TANC1: variants seen among roughly 807,000 people sequenced by gnomAD.
The protein encoded by TANC1 is protein TANC1.
A neutral mutation model predicts 149.7 loss-of-function variants in TANC1; 77 were observed. That is an observed-to-expected ratio of 0.51 (90% CI 0.43 to 0.62). The LOEUF is 0.62. Ranked by LOEUF, TANC1 falls within the 20% of genes least tolerant of loss-of-function variation. The probability of loss-of-function intolerance (pLI) is 0.00; values close to 1 mark genes in which losing one functional copy is unlikely to be tolerated. For missense variants in TANC1, 1,985 were observed against 2,321.8 expected, an observed-to-expected ratio of 0.85 and a Z score of 2.98; for synonymous variants, 854 against 925.0, an observed-to-expected ratio of 0.92 and a Z score of 1.39.
chr2:159,181,783 G>C (rs1455416814), intron 14 of TANC1, among the ~76,000 whole-genome samples: 1 of 152,168 alleles, frequency 6.6e-6, no homozygotes, highest in African/African-American at 2.4e-5. Flanking sequence ...TTCTCACTGA[G>C]TGCTGGTAGC....
At chr2:159,156,422 G>A (rs936559474) in intron 7 of TANC1, among the ~76,000 whole-genome samples, 81 of 152,320 alleles carry the variant, frequency 5.3e-4, no homozygotes, top group Non-Finnish European at 8.8e-4. Context: ...ACTGTAGTTG[G>A]ATTCTTCAGG....
At chr2:159,150,686 C>A in intron 7 of TANC1, 130 bp downstream of exon 7, 1 of 659,140 alleles carries the variant, frequency 1.5e-6, no homozygotes, top group Non-Finnish European at 2.6e-6. Context: ...CTGTTCTTTG[C>A]AGGCAGCACT....
chr2:159,170,949 G>C, intron 10 of TANC1, 144 bp downstream of exon 10: 1 of 861,634 alleles, frequency 1.2e-6, no homozygotes, highest in Middle Eastern at 3.2e-4. Flanking sequence ...GAAGTGAACT[G>C]TTTCAATATG....
At chr2:159,110,971 CT>C (rs199756278) in intron 4 of TANC1, among the ~76,000 whole-genome samples, 144 of 152,352 alleles carry the variant, frequency 9.5e-4, no homozygotes, top group East Asian at 6.6e-3. Context: ...ACTTCTAGCC[CT>C]GCTGCCAGCT....
At chr2:159,172,977 T>C (rs1179233950) in intron 11 of TANC1, among the ~76,000 whole-genome samples, 2 of 152,134 alleles carry the variant, frequency 1.3e-5, no homozygotes, top group Non-Finnish European at 2.9e-5. Context: ...AATCTTGCCC[T>C]GCACCAGATC....
chr2:159,065,791 A>G (rs1370870094), intron 2 of TANC1, 105 bp from the exon 3 acceptor site: 1 of 801,812 alleles, frequency 1.2e-6, no homozygotes, highest in Non-Finnish European at 2.1e-6. Context: ...CTTAATATTA[A>G]GCGGTCTGTT....
At chr2:158,972,035 A>G (rs902156656) in intron 1 of TANC1, among the ~76,000 whole-genome samples, 4 of 152,216 alleles carry the variant, frequency 2.6e-5, no homozygotes, top group African/African-American at 9.7e-5. Context: ...GTTAACATCT[A>G]TGCTTTGATG....
chr2:159,032,072 T>C (rs908106765), intron 2 of TANC1, among the ~76,000 whole-genome samples: 2 of 152,352 alleles, frequency 1.3e-5, no homozygotes, highest in South Asian at 4.1e-4. Context: ...CAGATTGAAC[T>C]GGCAAAGATT....
chr2:159,038,017 C>G (rs2040337446), intron 2 of TANC1, among the ~76,000 whole-genome samples: 1 of 152,130 alleles, frequency 6.6e-6, no homozygotes, highest in Admixed American at 6.5e-5. Context: ...TGTTTGTGTC[C>G]TCTTTTATTT....
chr2:159,172,045 C>T, intron 10 of TANC1, 76 bp from the exon 11 acceptor site: 1 of 1,443,354 alleles, frequency 6.9e-7, no homozygotes, highest in Non-Finnish European at 9.5e-7. Context: ...TGCCCTGGCA[C>T]AAATCAAGAA....
At chr2:159,166,481 G>T (rs890087187) in intron 8 of TANC1, among the ~76,000 whole-genome samples, 1 of 152,200 alleles carries the variant, frequency 6.6e-6, no homozygotes, top group Non-Finnish European at 1.5e-5. Flanking sequence ...GTGTGTGTGT[G>T]TGTGTGTGCA....
At chr2:159,004,745 A>C (rs886142072) in intron 2 of TANC1, among the ~76,000 whole-genome samples, 1 of 152,148 alleles carries the variant, frequency 6.6e-6, no homozygotes, top group Non-Finnish European at 1.5e-5. Context: ...AAAAAAAACC[A>C]ATATTTGCCG....
At chr2:159,105,787 T>A (rs1323849706) in intron 4 of TANC1, among the ~76,000 whole-genome samples, 1 of 152,202 alleles carries the variant, frequency 6.6e-6, no homozygotes, top group Non-Finnish European at 1.5e-5. Context: ...TGAAAGTGAG[T>A]TTACTGGGCC....
intron 2 of TANC1, among the ~76,000 whole-genome samples, chr2:159,034,839 G>T (rs1378252603): frequency 6.6e-6 from 1 of 152,212 alleles, no homozygotes; most frequent in African/African-American, 2.4e-5. Context: ...CTGTGGTTGA[G>T]TGTGACTTGA....
intron 25 of TANC1, chr2:159,228,546 G>A (rs2060157061): frequency 6.4e-6 from 3 of 470,148 alleles, no homozygotes; most frequent in African/African-American, 3.9e-5. Flanking sequence ...ACCGGGCTGT[G>A]AGGTTCCACC....
In TANC1 at chr2:159,011,802, C is replaced by T. The variant is rs551853085; in HGVS notation, c.-16+10613C>T. Among the ~76,000 whole-genome samples the T allele has an allele frequency of 4.6e-5, 7 of 152,286 alleles. No individual in the cohort carries two copies. In the East Asian group the frequency reaches 1.2e-3, roughly 25 times the overall value. ...GTGCCAAAAGTGTACATCCCACTCC[C>T]GAATTCCACAGTAGAGACAGCCTGC... On this transcript the variant is annotated intron_variant, in intron 2 of 26. Transcript: ENST00000263635.
intron 5 of TANC1, chr2:159,147,501 C>CCCGCCCT (rs1327683957): frequency 6.6e-6 from 1 of 152,360 alleles, no homozygotes; most frequent in Non-Finnish European, 1.5e-5. Flanking sequence ...TGGTTTGGTT[C>CCCGCCCT]CCGCCCTCCT....
chr2:159,188,137 G>A (rs547825910), intron 16 of TANC1, among the ~76,000 whole-genome samples: 111 of 145,628 alleles, frequency 7.6e-4, no homozygotes, highest in Non-Finnish European at 1.6e-3. Context: ...AGAATCTTAA[G>A]TCTTTTCATT....
chr2:159,103,392 G>C (rs1311178843), intron 4 of TANC1, among the ~76,000 whole-genome samples: 2 of 96,002 alleles, frequency 2.1e-5, no homozygotes, highest in East Asian at 4.6e-4. Context: ...GCTGCTTTTT[G>C]AAATTCACAT....
Sources: gnomAD v4.1 joint callset for allele counts (sites outside exome capture counted in the v4.1 genomes callset) on GRCh38, gnomAD v4.1.1 for gene constraint, MANE v1.5 for transcripts, NCBI Gene and HGNC (gene_info 2026-07-23, HGNC 2026-07-21) for gene names.